CWH43: variants seen among roughly 807,000 people sequenced by gnomAD.
CWH43 encodes PGAP2-interacting protein.
Under a neutral mutation model 85.7 loss-of-function variants are expected in CWH43, and 91 were observed. The ratio of observed to expected loss-of-function variants is 1.06; its 90% CI spans 0.90 to 1.26. The LOEUF is 1.26. Among genes scored for constraint, CWH43 ranks in the 50% most tolerant of loss-of-function variants. The pLI, the probability that CWH43 is intolerant of heterozygous loss-of-function variation, is 0.00. For synonymous variants in CWH43, 323 were observed against 293.6 expected (o/e 1.10, Z -1.02); for missense variants, 869 against 839.2 (o/e 1.04, Z -0.44).
Position 49,003,771 on chromosome 4 carries a change from C to T in CWH43, c.839C>T (p.Thr280Ile). ...ASAAGLLYLH[T>I]WAAAVSGCVF... is the part of the protein sequence containing the mutation. ...GCTGCGGGGCTCCTTTACCTGCACA[C>T]ATGGGCAGCTGCTGTGTCTGGCTGT... is the stretch of plus-strand genomic sequence containing the variant. The change falls in exon 7 of 16, where the codon ACA (threonine) becomes ATA (isoleucine). Residue 280 changes from threonine (T) to isoleucine (I), a missense_variant. Coordinates refer to ENST00000226432, the MANE Select transcript of CWH43 (RefSeq NM_025087.3). 6.2e-7 allele frequency: 1 copy of T among 1,613,984 alleles called. No homozygotes were observed. Among genetic ancestry groups the T allele is most frequent in the Non-Finnish European group, 8.5e-7 (1 of 1,179,906 alleles).
chr4:49,030,740 T>C (rs1025268530), intron 10 of CWH43, 85 bp from the exon 11 acceptor site: 47 of 1,318,840 alleles, frequency 3.6e-5, no homozygotes, highest in East Asian at 2.7e-5. Flanking sequence ...GAAAAAAAGG[T>C]TAAGGGTCAA....
chr4:49,054,008 G>C (rs1162788645), intron 15 of CWH43, among the ~76,000 whole-genome samples: 1 of 152,078 alleles, frequency 6.6e-6, no homozygotes, highest in African/African-American at 2.4e-5. Flanking sequence ...ATAGAAGCTT[G>C]TTAGTTCGAT....
At chr4:49,050,514 A>G (rs1784759732) in intron 14 of CWH43, among the ~76,000 whole-genome samples, 180 bp from the exon 15 acceptor site, 1 of 152,224 alleles carries the variant, frequency 6.6e-6, no homozygotes, top group African/African-American at 2.4e-5. Flanking sequence ...ATTCATTTAT[A>G]TCATAAAAGC....
intron 5 of CWH43, among the ~76,000 whole-genome samples, 165 bp downstream of exon 5, chr4:48,994,985 A>G (rs1782766748): frequency 1.3e-5 from 2 of 152,228 alleles, no homozygotes; most frequent in African/African-American, 4.8e-5. Flanking sequence ...AGAGAAGGGC[A>G]CTAGAAGGGT....
chr4:48,986,789 C>T lies in CWH43; in HGVS notation c.43+317C>T, dbSNP rs962908778. ...CGGCCTTGACCCCGCGCGGCCGGTA[C>T]CGTCCCCAAAGCCCCCCACCCGTGG... On this transcript the variant is annotated intron_variant, in intron 1 of 15. Coordinates refer to ENST00000226432, the MANE Select transcript of CWH43 (RefSeq NM_025087.3). 3.3e-6 allele frequency: 4 copies of T among 1,216,170 alleles called. No individual in the cohort carries two copies. The East Asian group carries it at 1.6e-4, about 48-fold the overall frequency. The allele number at this position is 1,216,170 out of a possible 1,614,324, so 75.3% of individuals were successfully genotyped here. A position where few individuals can be genotyped will look rare whatever the true frequency, so the allele number is the denominator to read the frequency against.
intron 13 of CWH43, among the ~76,000 whole-genome samples, chr4:49,038,914 C>T (rs555965359): frequency 4.2e-4 from 64 of 150,876 alleles, no homozygotes; most frequent in African/African-American, 1.4e-3. Flanking sequence ...AAAAATTAGC[C>T]GGGCATGGTG....
At chr4:48,996,322 C>T (rs2109749827) in intron 5 of CWH43, among the ~76,000 whole-genome samples, 1 of 136,816 alleles carries the variant, frequency 7.3e-6, no homozygotes, top group African/African-American at 2.5e-5. Context: ...CACACACACA[C>T]ACACACACAT....
chr4:49,022,281 G>A (rs1054582510), intron 9 of CWH43, among the ~76,000 whole-genome samples: 1 of 152,094 alleles, frequency 6.6e-6, no homozygotes, highest in Non-Finnish European at 1.5e-5. Context: ...ATTGTCAACT[G>A]CTTTTTCTGT....
chr4:49,017,057 C>T (rs1783571817), intron 8 of CWH43, 192 bp from the exon 9 acceptor site: 4 of 735,942 alleles, frequency 5.4e-6, no homozygotes, highest in Non-Finnish European at 5.0e-6. Context: ...CGTCGGCTGG[C>T]ACCTTGGTCA....
intron 15 of CWH43, among the ~76,000 whole-genome samples, chr4:49,060,889 T>C (rs1379319915): frequency 6.6e-6 from 1 of 152,164 alleles, no homozygotes; most frequent in African/African-American, 2.4e-5. Flanking sequence ...GACACATATA[T>C]GTATGTGCGT....
chr4:49,013,710 C>A (rs1405970145), intron 8 of CWH43, among the ~76,000 whole-genome samples: 1 of 152,140 alleles, frequency 6.6e-6, no homozygotes, highest in Non-Finnish European at 1.5e-5. Context: ...TTTTATTTCA[C>A]TTCTAACATA....
chr4:49,040,605 G>C (rs1784428666), intron 13 of CWH43, among the ~76,000 whole-genome samples: 2 of 152,050 alleles, frequency 1.3e-5, no homozygotes, highest in Admixed American at 6.6e-5. Context: ...TTTTTTTCTT[G>C]TAAATTTGTT....
chr4:49,055,334 C>A (rs1415619879), intron 15 of CWH43, among the ~76,000 whole-genome samples: 1 of 152,096 alleles, frequency 6.6e-6, no homozygotes, highest in Non-Finnish European at 1.5e-5. Flanking sequence ...TTTAACTATC[C>A]TTGCATCCCA....
At chr4:49,017,031 G>C (rs1783570174) in intron 8 of CWH43, 1 of 759,590 alleles carries the variant, frequency 1.3e-6, no homozygotes, top group Admixed American at 1.8e-5. Context: ...AGTTGGGGGA[G>C]AGCAAACCAC....
Position 49,059,721 on chromosome 4 carries a change from C to T in CWH43, c.2022-2091C>T, listed in dbSNP as rs552994389. The stretch of plus-strand genomic sequence containing the variant: ...GTGCCTGGATCAGCAAGTGGATAGG[C>T]TTTGTGCCTGGGTCTCTGGGGGCCA... On this transcript the variant is annotated intron_variant, in intron 15 of 15. Transcript: ENST00000226432. 1.5e-4 allele frequency among the ~76,000 whole-genome samples: 22 copies of T among 151,652 alleles called. 1 individual carries two copies. The highest frequency in any genetic ancestry group is 3.1e-4 in the Non-Finnish European group (21 of 68,022).
chr4:49,040,160 G>T (rs528259510), intron 13 of CWH43, among the ~76,000 whole-genome samples: 2 of 152,274 alleles, frequency 1.3e-5, no homozygotes, highest in African/African-American at 2.4e-5. Context: ...GGACATTTGG[G>T]TTGGTTCCAA....
chr4:49,016,807 G>C (rs1239295891), intron 8 of CWH43: 1 of 776,912 alleles, frequency 1.3e-6, no homozygotes, highest in African/African-American at 1.7e-5. Context: ...CCCTCTGCCA[G>C]AGCACGGGCC....
rs973254938 is a variant in CWH43 at position 48,992,728 on chromosome 4, C to T, written c.511+638C>T. Among the ~76,000 whole-genome samples, 8 of 152,158 alleles carry T rather than the reference C, an allele frequency of 5.3e-5. No homozygotes were observed. The highest frequency in any genetic ancestry group is 8.8e-5 in the Non-Finnish European group (6 of 68,018). On this transcript the variant is annotated intron_variant, in intron 4 of 15. Coordinates refer to ENST00000226432, the MANE Select transcript of CWH43 (RefSeq NM_025087.3). The surrounding 1 kb of genome is among the most constrained non-coding windows in gnomAD (Gnocchi z 4.3). ...AGAGGTATTAGTGGATTCTAGTTAACGTGCTCCTAGCTTTTTGTGTAACTC... is the reference window on the plus strand; with the variant it reads ...AGAGGTATTAGTGGATTCTAGTTAATGTGCTCCTAGCTTTTTGTGTAACTC...
Position 49,030,830 on chromosome 4 carries a change from G to A in CWH43, c.1378G>A (p.Asp460Asn). The A allele has an allele frequency of 6.4e-7, 1 of 1,572,836 alleles. No individual in the cohort carries two copies. The highest frequency in any genetic ancestry group is 8.6e-7 in the Non-Finnish European group (1 of 1,166,174). Residue 460 changes from aspartate (D) to asparagine (N), a missense_variant, in exon 11 of 16, where the codon GAT becomes AAT. Transcript: ENST00000226432. ...ACTTTTTTTTTTCTGAACAGGTGCA[G>A]ATTTCATAACAATTTTGGAGAGTGA... Reference protein sequence around the residue: ...SAHLLNETGADFITILESDAS... With the variant: ...SAHLLNETGANFITILESDAS...
Sources: gnomAD v4.1 joint callset for allele counts (sites outside exome capture counted in the v4.1 genomes callset) on GRCh38, gnomAD v4.1.1 for gene constraint, Gnocchi (gnomAD v3.1) non-coding constraint, MANE v1.5 for transcripts, NCBI Gene and HGNC (gene_info 2026-07-23, HGNC 2026-07-21) for gene names.